Variants in CPNE8 observed in about 807,000 individuals in gnomAD.
The protein encoded by CPNE8 is copine-8.
In CPNE8, 45 loss-of-function variants were observed where a neutral mutation model predicts 81.5. That is an observed-to-expected ratio of 0.55 (90% CI 0.44 to 0.71). The LOEUF (loss-of-function observed/expected upper bound fraction) is 0.71, where lower values mean the gene tolerates loss of function less well. CPNE8 is among the 30% of genes least tolerant of loss of function. The pLI is 0.00. For missense variants in CPNE8, 594 were observed against 672.1 expected (o/e 0.88, Z 1.28); for synonymous variants, 252 against 226.3 (o/e 1.11, Z -1.02).
At chr12:38,849,753 C>T (rs1004259528) in intron 3 of CPNE8, among the ~76,000 whole-genome samples, 3 of 152,162 alleles carry the variant, frequency 2.0e-5, no homozygotes, top group East Asian at 1.9e-4. Context: ...TTATAACCCA[C>T]GTCACTAATT....
chr12:38,762,282 A>G, intron 8 of CPNE8, 66 bp from the exon 9 acceptor site: 1 of 837,382 alleles, frequency 1.2e-6, no homozygotes, highest in Non-Finnish European at 1.8e-6. Flanking sequence ...TTGTTTTAGT[A>G]GCCATTCCTC....
At chr12:38,730,190 C>G in intron 11 of CPNE8, 93 bp downstream of exon 11, 1 of 789,608 alleles carries the variant, frequency 1.3e-6, no homozygotes, top group Non-Finnish European at 2.2e-6. Context: ...ACTTAGTTAA[C>G]CTTTGGCAAT....
intron 10 of CPNE8, among the ~76,000 whole-genome samples, chr12:38,752,632 T>A (rs1941375265): frequency 6.6e-6 from 1 of 152,156 alleles, no homozygotes; most frequent in Non-Finnish European, 1.5e-5. Context: ...GATTTAGTGG[T>A]GAAATTAATA....
chr12:38,790,407 A>G (rs964650632), intron 6 of CPNE8, among the ~76,000 whole-genome samples: 1 of 151,668 alleles, frequency 6.6e-6, no homozygotes, highest in African/African-American at 2.4e-5. Flanking sequence ...TGAGCTCATA[A>G]GACAGAGAGT....
intron 1 of CPNE8, among the ~76,000 whole-genome samples, chr12:38,894,084 C>G (rs1482379903): frequency 3.3e-5 from 5 of 152,026 alleles, no homozygotes; most frequent in African/African-American, 9.7e-5. Flanking sequence ...TCATCTTGAC[C>G]AGAGACTCAA....
chr12:38,873,099 C>A lies in CPNE8; in HGVS notation c.140-49G>T. The A allele has an allele frequency of 3.5e-6, 4 of 1,145,494 alleles. No individual in the cohort carries two copies. In the South Asian group the frequency reaches 5.4e-5, roughly 15 times the overall value. The allele number at this position is 1,145,494 out of a possible 1,614,324, so 71.0% of individuals were successfully genotyped here. ...ACATATAAATGTCTTTTATGAAAAT[C>A]ATATGTGAATGTATACAATTTATTT... is the stretch of plus-strand genomic sequence containing the variant. On this transcript the variant is annotated intron_variant, in intron 2 of 19. Coordinates refer to ENST00000331366, the MANE Select transcript of CPNE8 (RefSeq NM_153634.3).
At chr12:38,800,953 G>A (rs1942647541) in intron 6 of CPNE8, among the ~76,000 whole-genome samples, 1 of 145,834 alleles carries the variant, frequency 6.9e-6, no homozygotes, top group Non-Finnish European at 1.5e-5. Flanking sequence ...GGGAAGTTTA[G>A]AGAAAAAAGA....
chr12:38,688,075 T>A (rs982772987), intron 15 of CPNE8, among the ~76,000 whole-genome samples: 15 of 152,194 alleles, frequency 9.9e-5, no homozygotes, highest in African/African-American at 3.6e-4. Context: ...CATATAAAAA[T>A]GTATTATATA....
rs534027928 is a variant in CPNE8 at position 38,693,533 on chromosome 12, AC to A, written c.1143+123del. The A allele has an allele frequency of 2.3e-3, 1,829 of 781,686 alleles. 4 individuals are homozygous for A. Among genetic ancestry groups the A allele is most frequent in the Admixed American group, 3.5e-3 (120 of 33,998 alleles). The allele number at this position is 781,686 out of a possible 1,614,324, so 48.4% of individuals were successfully genotyped here. ...GTTCACACTCCAAAGTCAATTACTT[AC>A]CAAAATTAAGCTACAGTCAGTAAAG... On this transcript the variant is annotated intron_variant, in intron 15 of 19. Transcript: ENST00000331366.
chr12:38,762,062 GA>G, intron 9 of CPNE8, 49 bp downstream of exon 9: 1 of 971,314 alleles, frequency 1.0e-6, no homozygotes, highest in Admixed American at 2.9e-5. Flanking sequence ...AATCACTGTA[GA>G]TTTTTTTAAA....
chr12:38,704,246 A>G (rs1027900570), intron 13 of CPNE8, among the ~76,000 whole-genome samples: 1 of 152,270 alleles, frequency 6.6e-6, no homozygotes. Flanking sequence ...GTAATTCTTG[A>G]ATCTAAAATA....
At chr12:38,905,625 T>C, upstream of CPNE8, 1 of 1,518,174 alleles carries the variant, frequency 6.6e-7, no homozygotes. Context: ...GGATGGGGGT[T>C]GAGGGTGGAG....
intron 6 of CPNE8, among the ~76,000 whole-genome samples, chr12:38,792,013 A>T (rs1366617970): frequency 7.0e-6 from 1 of 143,394 alleles, no homozygotes; most frequent in Non-Finnish European, 1.5e-5. Flanking sequence ...GGAGAAATTA[A>T]AAAAAAAAAA....
intron 3 of CPNE8, among the ~76,000 whole-genome samples, chr12:38,859,464 ATGGAT>A (rs1312600685): frequency 1.3e-5 from 2 of 152,198 alleles, no homozygotes; most frequent in Non-Finnish European, 2.9e-5. Flanking sequence ...CTCCATGTTA[ATGGAT>A]TGGAAAATCA....
intron 6 of CPNE8, among the ~76,000 whole-genome samples, chr12:38,778,348 C>T (rs553578619): frequency 2.0e-5 from 3 of 152,230 alleles, no homozygotes; most frequent in Non-Finnish European, 4.4e-5. Context: ...ATCACTGTTG[C>T]TAAGTAGTGC....
intron 3 of CPNE8, among the ~76,000 whole-genome samples, chr12:38,853,723 T>A (rs1156732464): frequency 6.6e-6 from 1 of 152,140 alleles, no homozygotes; most frequent in Non-Finnish European, 1.5e-5. Flanking sequence ...ATAGCTACTT[T>A]TCCAATTTAG....
chr12:38,732,418 T>C (rs143905878), intron 10 of CPNE8, among the ~76,000 whole-genome samples: 1 of 152,092 alleles, frequency 6.6e-6, no homozygotes, highest in East Asian at 1.9e-4. Flanking sequence ...TTGGGGAACT[T>C]TGAAGCAGTT....
intron 10 of CPNE8, among the ~76,000 whole-genome samples, chr12:38,754,998 A>G (rs1941428524): frequency 6.6e-6 from 1 of 152,222 alleles, no homozygotes; most frequent in Admixed American, 6.5e-5. Flanking sequence ...TGCTTCTTCT[A>G]AATGAGTTCT....
chr12:38,809,623 T>A (rs983826561), intron 6 of CPNE8, among the ~76,000 whole-genome samples: 1 of 152,138 alleles, frequency 6.6e-6, no homozygotes, highest in Non-Finnish European at 1.5e-5. Context: ...GCCTTCATGA[T>A]CCATGGTCCT....
Sources: allele counts gnomAD v4.1 joint callset (sites outside exome capture counted in the v4.1 genomes callset), GRCh38; gene constraint gnomAD v4.1.1; transcripts MANE v1.5; gene names NCBI Gene and HGNC (gene_info 2026-07-23, HGNC 2026-07-21).